Variants in GALNT2 observed in about 807,000 individuals in gnomAD.
GALNT2 encodes the protein UDP-GalNAc:polypeptide N-acetylgalactosaminyltransferase 2.
Under a neutral mutation model 81.4 loss-of-function variants are expected in GALNT2, and 31 were observed. That is an observed-to-expected ratio of 0.38 (90% CI 0.29 to 0.51). The LOEUF (loss-of-function observed/expected upper bound fraction) is 0.51. Ranked by LOEUF, GALNT2 falls within the 20% of genes least tolerant of loss-of-function variation. The pLI is 0.87. For synonymous variants in GALNT2, 303 were observed against 287.4 expected (o/e 1.05, Z -0.55); for missense variants, 629 against 765.7 (o/e 0.82, Z 2.11).
intron 1 of GALNT2, among the ~76,000 whole-genome samples, chr1:230,086,335 C>T (rs1659897759): frequency 6.6e-6 from 1 of 152,070 alleles, no homozygotes; most frequent in African/African-American, 2.4e-5. Flanking sequence ...GCCTGACGAC[C>T]CAGCAGAGCA....
At chr1:230,139,265 A>G (rs1464858229) in intron 1 of GALNT2, among the ~76,000 whole-genome samples, 1 of 152,262 alleles carries the variant, frequency 6.6e-6, no homozygotes, top group Non-Finnish European at 1.5e-5. Flanking sequence ...GAGAACAATC[A>G]GGGTCCTCTT....
At chr1:230,075,191 T>TCTCG (rs1659502356) in intron 1 of GALNT2, among the ~76,000 whole-genome samples, 1 of 128,288 alleles carries the variant, frequency 7.8e-6, no homozygotes, top group South Asian at 2.7e-4. Context: ...AGTGGCACAA[T>TCTCG]CTCGGCTCAC....
intron 7 of GALNT2, among the ~76,000 whole-genome samples, chr1:230,245,534 C>A (rs575584086): frequency 3.3e-5 from 5 of 152,214 alleles, no homozygotes; most frequent in Non-Finnish European, 5.9e-5. Flanking sequence ...ATCTGGAAAT[C>A]TCTGGTTGAT....
Position 230,274,555 on chromosome 1 carries a change from C to T in GALNT2, c.1551C>T (p.Asp517=), listed in dbSNP as rs1375546104. ...AGCTGCAGGGCTGCCGAGAAAATGACAGCAGACAGGTACGGCTTGCAGGCA... is the reference window on the plus strand; with the variant it reads ...AGCTGCAGGGCTGCCGAGAAAATGATAGCAGACAGGTACGGCTTGCAGGCA... ...LIKLQGCREN[D]SRQKWEQIEG... The change falls in exon 15 of 16, where the codon GAC becomes GAT. Residue 517 remains aspartate (D), a synonymous_variant. Coordinates refer to ENST00000366672, the MANE Select transcript of GALNT2 (RefSeq NM_004481.5). 5.6e-6 allele frequency: 9 copies of T among 1,613,776 alleles called. No individual in the cohort carries two copies. The East Asian group carries it at 8.9e-5, about 16-fold the overall frequency.
intron 1 of GALNT2, among the ~76,000 whole-genome samples, chr1:230,177,755 A>C (rs934490029): frequency 4.6e-5 from 7 of 152,188 alleles, no homozygotes; most frequent in African/African-American, 1.7e-4. Flanking sequence ...ACACTCTCTG[A>C]GGGGAGCTCA....
rs910553441 is a variant in GALNT2, at chr1:230,236,542, G to T, written c.542-118G>T. 5 of 1,399,066 alleles carry T rather than the reference G, an allele frequency of 3.6e-6. No individual in the cohort carries two copies. The African/African-American group carries it at 4.3e-5, about 12-fold the overall frequency. The allele number at this position is 1,399,066 out of a possible 1,614,324, so 86.7% of individuals were successfully genotyped here. On this transcript the variant is annotated intron_variant, in intron 5 of 15. Coordinates refer to ENST00000366672, the MANE Select transcript of GALNT2 (RefSeq NM_004481.5). Reference sequence around the variant, plus strand: ...AATCAGATCCACAGAAAGAAGAGGTGCCTCTGTGATGCCCCAAGGAGATAA... The same window carrying T: ...AATCAGATCCACAGAAAGAAGAGGTTCCTCTGTGATGCCCCAAGGAGATAA...
At chr1:230,091,366 G>A (rs1660074721) in intron 1 of GALNT2, among the ~76,000 whole-genome samples, 1 of 151,952 alleles carries the variant, frequency 6.6e-6, no homozygotes, top group Non-Finnish European at 1.5e-5. Flanking sequence ...GAGCCATTGT[G>A]CCCGGTCCTC....
intron 3 of GALNT2, among the ~76,000 whole-genome samples, chr1:230,225,585 TGG>T (rs149342090): frequency 0.044 from 6,714 of 151,968 alleles, 189 homozygotes; most frequent in Non-Finnish European, 0.064. Flanking sequence ...GAACACAGCG[TGG>T]GCTGGGCCAC....
intron 1 of GALNT2, among the ~76,000 whole-genome samples, chr1:230,122,812 T>C (rs1308763565): frequency 6.6e-6 from 1 of 152,192 alleles, no homozygotes; most frequent in Non-Finnish European, 1.5e-5. Context: ...CACACGCGTA[T>C]AGTGCATATT....
rs1666385283 is a variant in GALNT2, at chr1:230,279,725, C to A, written c.*267C>A. ...GAGCGCCCCTCTTCCTTCCAGCTTT[C>A]ACTTCTGCCGGCTCCGCAACTGAGT... On this transcript the variant is annotated 3_prime_UTR_variant, in exon 16 of 16. Transcript: ENST00000366672. The surrounding 1 kb of genome is among the most constrained non-coding windows in gnomAD (Gnocchi z 4.6). The A allele has an allele frequency of 3.7e-6, 2 of 537,756 alleles. No individual in the cohort carries two copies. The highest frequency in any genetic ancestry group is 1.9e-5 in the African/African-American group (1 of 53,498). 33.3% of individuals were successfully genotyped at this position (537,756 alleles called of 1,614,324 possible). A position where few individuals can be genotyped will look rare whatever the true frequency, so the allele number is the denominator to read the frequency against.
At chr1:230,131,592 C>G (rs1020901445) in intron 1 of GALNT2, among the ~76,000 whole-genome samples, 3 of 152,114 alleles carry the variant, frequency 2.0e-5, no homozygotes, top group African/African-American at 7.2e-5. Context: ...TGCTTGGCAC[C>G]CTGCAATTTA....
At chr1:230,116,790 G>A (rs1376924836) in intron 1 of GALNT2, among the ~76,000 whole-genome samples, 3 of 152,186 alleles carry the variant, frequency 2.0e-5, no homozygotes, top group Admixed American at 2.0e-4. Flanking sequence ...TGTCATCCAT[G>A]TTCTGTTGTT....
At chr1:230,116,196 A>C (rs1230130884) in intron 1 of GALNT2, among the ~76,000 whole-genome samples, 4 of 152,178 alleles carry the variant, frequency 2.6e-5, no homozygotes, top group African/African-American at 9.7e-5. Context: ...CTATAAGAGG[A>C]GTCACTATCT....
chr1:230,128,425 G>A (rs368173542), intron 1 of GALNT2, among the ~76,000 whole-genome samples: 1 of 152,104 alleles, frequency 6.6e-6, no homozygotes, highest in Admixed American at 6.6e-5. Context: ...GCTCTGTTCT[G>A]TGGAGGCCAC....
At chr1:230,079,388 T>C (rs2102751633) in intron 1 of GALNT2, among the ~76,000 whole-genome samples, 1 of 152,362 alleles carries the variant, frequency 6.6e-6, no homozygotes, top group South Asian at 2.1e-4. Context: ...AAGAACAGCT[T>C]TTCTTCCCAC....
intron 1 of GALNT2, among the ~76,000 whole-genome samples, chr1:230,091,372 T>C (rs1031946039): frequency 5.9e-5 from 9 of 152,038 alleles, no homozygotes; most frequent in African/African-American, 9.7e-5. Context: ...TTGTGCCCGG[T>C]CCTCAGCAAA....
intron 1 of GALNT2, among the ~76,000 whole-genome samples, chr1:230,059,432 G>A (rs1658992183): frequency 6.6e-6 from 1 of 152,204 alleles, no homozygotes; most frequent in South Asian, 2.1e-4. Flanking sequence ...TACCTTACCT[G>A]TAAACACTAG....
chr1:230,236,734 C>G lies in GALNT2; in HGVS notation c.607+9C>G, dbSNP rs535126981. 1 of 1,610,956 alleles carries G rather than the reference C, an allele frequency of 6.2e-7. No homozygotes were observed. Among genetic ancestry groups the G allele is most frequent in the African/African-American group, 1.3e-5 (1 of 74,742 alleles). On this transcript the variant is annotated intron_variant, in intron 6 of 15. Transcript: ENST00000366672. The stretch of plus-strand genomic sequence containing the variant: ...AAATGATCGACGAGAAGGTAAGATT[C>G]TTCTTAATTCAGCGCCAAGACAGTT...
At chr1:230,247,648 A>C (rs903637130) in intron 8 of GALNT2, among the ~76,000 whole-genome samples, 2 of 152,162 alleles carry the variant, frequency 1.3e-5, no homozygotes, top group Non-Finnish European at 2.9e-5. Context: ...ACCAGGCTCT[A>C]TTTCTCCCAA....
Sources: gnomAD v4.1 joint callset for allele counts (sites outside exome capture counted in the v4.1 genomes callset) on GRCh38, gnomAD v4.1.1 for gene constraint, Gnocchi (gnomAD v3.1) non-coding constraint, MANE v1.5 for transcripts, NCBI Gene and HGNC (gene_info 2026-07-23, HGNC 2026-07-21) for gene names.